Variants in RGS6 observed in about 807,000 individuals in gnomAD.
RGS6 encodes the protein regulator of G-protein signaling 6.
RGS6 carries 30 observed loss-of-function variants against 78.5 expected under a neutral mutation model. That is an observed-to-expected ratio of 0.38 (90% CI 0.29 to 0.52). The LOEUF (loss-of-function observed/expected upper bound fraction) is 0.52. Ranked by LOEUF, RGS6 falls within the 20% of genes least tolerant of loss-of-function variation. The probability of loss-of-function intolerance (pLI) is 0.85; values close to 1 mark genes in which losing one functional copy is unlikely to be tolerated. For missense variants in RGS6, 495 were observed against 609.7 expected, an observed-to-expected ratio of 0.81 and a Z score of 1.98; for synonymous variants, 206 against 206.0, an observed-to-expected ratio of 1.00 and a Z score of 0.00.
the RGS6 span, among the ~76,000 whole-genome samples, chr14:71,897,096 G>A: frequency 1.3e-5 from 2 of 152,162 alleles, no homozygotes; most frequent in Non-Finnish European, 2.9e-5. Flanking sequence ...CTCTACCTAG[G>A]GGGTATAATC....
At position 72,242,207 on chromosome 14, in the gene RGS6, C is replaced by A. The variant is rs141687687; in HGVS notation, c.85-109888C>A. 2.2e-4 allele frequency among the ~76,000 whole-genome samples: 34 copies of A among 152,186 alleles called. 1 individual carries two copies. In the East Asian group the frequency reaches 6.4e-3, roughly 29 times the overall value. ...CCAGAGATAAGGGTTTATATACCAA[C>A]TTAACAAAGGTGAAGGGGGCAATTA... On this transcript the variant is annotated intron_variant, in intron 2 of 17. Coordinates refer to ENST00000553525, the MANE Select transcript of RGS6 (RefSeq NM_001204424.2).
chr14:72,506,524 G>A (rs1288017157), intron 13 of RGS6, among the ~76,000 whole-genome samples: 1 of 152,156 alleles, frequency 6.6e-6, no homozygotes, highest in Non-Finnish European at 1.5e-5. Flanking sequence ...GGATGATATT[G>A]GGAATACTCA....
At chr14:72,072,854 A>C (rs2094454539) in intron 2 of RGS6, among the ~76,000 whole-genome samples, 1 of 152,242 alleles carries the variant, frequency 6.6e-6, no homozygotes, top group South Asian at 2.1e-4. Flanking sequence ...TTAGAGCAAT[A>C]GGTATCGTGC....
chr14:72,583,719 G>A, the RGS6 span, among the ~76,000 whole-genome samples: 58 of 152,256 alleles, frequency 3.8e-4, no homozygotes, highest in African/African-American at 1.2e-3. Context: ...GCCTCACGGG[G>A]TCTCTTTTAT....
At chr14:72,273,663 C>T (rs558416701) in intron 2 of RGS6, among the ~76,000 whole-genome samples, 1 of 152,284 alleles carries the variant, frequency 6.6e-6, no homozygotes, top group East Asian at 1.9e-4. Context: ...CTTCTAGTGC[C>T]TGGAGTATAA....
At chr14:72,188,508 A>G (rs974691151) in intron 2 of RGS6, among the ~76,000 whole-genome samples, 11 of 151,804 alleles carry the variant, frequency 7.2e-5, no homozygotes, top group Non-Finnish European at 1.3e-4. Flanking sequence ...ATCATCATCA[A>G]TGAAAATACG....
chr14:72,120,592 G>A (rs2096022678), intron 2 of RGS6, among the ~76,000 whole-genome samples: 1 of 152,196 alleles, frequency 6.6e-6, no homozygotes, highest in Non-Finnish European at 1.5e-5. Context: ...CAGGAGAACG[G>A]ATAAACTGCG....
intron 2 of RGS6, among the ~76,000 whole-genome samples, chr14:72,080,889 T>C (rs1029711315): frequency 6.6e-6 from 1 of 152,174 alleles, no homozygotes; most frequent in African/African-American, 2.4e-5. Flanking sequence ...TGTCTGTTTT[T>C]ATGGCAGTAC....
intron 2 of RGS6, among the ~76,000 whole-genome samples, chr14:72,042,411 G>T (rs2092498669): frequency 6.6e-6 from 1 of 152,074 alleles, no homozygotes; most frequent in African/African-American, 2.4e-5. Flanking sequence ...TTATGGGCAT[G>T]AGCCACCGCA....
intron 2 of RGS6, among the ~76,000 whole-genome samples, chr14:72,329,498 C>T (rs930411060): frequency 2.6e-5 from 4 of 152,272 alleles, no homozygotes; most frequent in African/African-American, 9.6e-5. Flanking sequence ...ACACCACATC[C>T]TCCCAGGTGG....
chr14:72,387,190 T>C (rs2088382916), intron 3 of RGS6, among the ~76,000 whole-genome samples: 1 of 152,102 alleles, frequency 6.6e-6, no homozygotes, highest in Non-Finnish European at 1.5e-5. Flanking sequence ...TATTTGGAAA[T>C]AGGGTTTTTG....
intron 2 of RGS6, among the ~76,000 whole-genome samples, chr14:72,338,316 G>A (rs1414671426): frequency 1.3e-5 from 2 of 152,218 alleles, no homozygotes; most frequent in Admixed American, 1.3e-4. Flanking sequence ...GAAGGCGAAA[G>A]GCACATCTTA....
intron 3 of RGS6, among the ~76,000 whole-genome samples, chr14:72,406,852 G>A (rs1335644668): frequency 6.6e-6 from 1 of 152,178 alleles, no homozygotes; most frequent in Admixed American, 6.5e-5. Context: ...TATTCAGTAA[G>A]GAGAATGAAG....
chr14:72,378,848 G>C (rs2085370565), intron 3 of RGS6, among the ~76,000 whole-genome samples: 1 of 151,980 alleles, frequency 6.6e-6, no homozygotes, highest in African/African-American at 2.4e-5. Context: ...TATGAGACCA[G>C]TGTAACTAAC....
chr14:71,894,458 G>A, the RGS6 span, among the ~76,000 whole-genome samples: 2 of 152,158 alleles, frequency 1.3e-5, no homozygotes, highest in African/African-American at 4.8e-5. Context: ...GGATTGCACC[G>A]AGGGTGGATG....
At chr14:72,487,077 G>C (rs748416817) in intron 12 of RGS6, among the ~76,000 whole-genome samples, 1 of 151,904 alleles carries the variant, frequency 6.6e-6, no homozygotes, top group Non-Finnish European at 1.5e-5. Context: ...TAAATGCCCA[G>C]GTCACCCATG....
intron 2 of RGS6, among the ~76,000 whole-genome samples, chr14:72,102,142 T>C (rs985099172): frequency 6.6e-6 from 1 of 152,218 alleles, no homozygotes; most frequent in African/African-American, 2.4e-5. Flanking sequence ...TCTGGGTATA[T>C]TGAAGACATC....
At chr14:72,522,592 G>C (rs1431400998) in intron 15 of RGS6, among the ~76,000 whole-genome samples, 1 of 152,172 alleles carries the variant, frequency 6.6e-6, no homozygotes, top group African/African-American at 2.4e-5. Context: ...ACATAGCAAT[G>C]TAAACAACAT....
chr14:72,251,884 A>G (rs1032760716), intron 2 of RGS6, among the ~76,000 whole-genome samples: 4 of 152,234 alleles, frequency 2.6e-5, no homozygotes, highest in Admixed American at 1.3e-4. Context: ...GAAAAGAAAA[A>G]TGAATAAATC....
Sources: gnomAD v4.1 joint callset for allele counts (sites outside exome capture counted in the v4.1 genomes callset) on GRCh38, gnomAD v4.1.1 for gene constraint, MANE v1.5 for transcripts, NCBI Gene and HGNC (gene_info 2026-07-23, HGNC 2026-07-21) for gene names.